The following KCNH5 variants were observed in gnomAD, a reference collection of about 807,000 sequenced individuals.
KCNH5 encodes the protein potassium voltage-gated channel subfamily H member 5, also known as voltage-gated delayed rectifier potassium channel KCNH5.
KCNH5 carries 46 observed loss-of-function variants against 96.1 expected under a neutral mutation model. That is an observed-to-expected ratio of 0.48 (90% CI 0.38 to 0.61). The LOEUF (loss-of-function observed/expected upper bound fraction) is 0.61, where lower values mean the gene tolerates loss of function less well. KCNH5 is among the 20% of genes least tolerant of loss of function. The pLI is 0.00. For missense variants in KCNH5, 907 were observed against 1,225.8 expected (o/e 0.74, Z 3.88); for synonymous variants, 439 against 449.8 (o/e 0.98, Z 0.30).
chr14:62,964,771 C>G (rs1201787689), intron 6 of KCNH5, among the ~76,000 whole-genome samples: 1 of 152,102 alleles, frequency 6.6e-6, no homozygotes, highest in Non-Finnish European at 1.5e-5. Flanking sequence ...GATAGTGCCT[C>G]TATTTCCTAA....
intron 10 of KCNH5, among the ~76,000 whole-genome samples, chr14:62,760,044 G>C (rs1885714116): frequency 1.3e-5 from 2 of 152,104 alleles, no homozygotes; most frequent in African/African-American, 4.8e-5. Context: ...CAAACATGTT[G>C]CTATTTAAAA....
chr14:62,901,377 C>T (rs896374103), intron 7 of KCNH5, among the ~76,000 whole-genome samples: 10 of 151,976 alleles, frequency 6.6e-5, no homozygotes, highest in Non-Finnish European at 1.5e-4. Flanking sequence ...TTGCCCCCTC[C>T]CTCTCTCCCC....
intron 10 of KCNH5, among the ~76,000 whole-genome samples, chr14:62,765,662 C>T (rs963237588): frequency 6.6e-6 from 1 of 152,032 alleles, no homozygotes; most frequent in African/African-American, 2.4e-5. Context: ...GGAACTTACA[C>T]AAATTAACAA....
intron 6 of KCNH5, among the ~76,000 whole-genome samples, chr14:62,957,934 G>A (rs1397784111): frequency 6.6e-6 from 1 of 152,106 alleles, no homozygotes; most frequent in Non-Finnish European, 1.5e-5. Flanking sequence ...AAATTATGGT[G>A]GATATTATCT....
intron 7 of KCNH5, among the ~76,000 whole-genome samples, chr14:62,900,973 T>G (rs1684870470): frequency 6.6e-6 from 1 of 152,002 alleles, no homozygotes; most frequent in Admixed American, 6.6e-5. Flanking sequence ...CATGAAATGC[T>G]TCCTATCTTT....
chr14:62,731,656 A>C (rs1356968292), intron 10 of KCNH5, among the ~76,000 whole-genome samples: 1 of 152,238 alleles, frequency 6.6e-6, no homozygotes, highest in African/African-American at 2.4e-5. Flanking sequence ...GAATTTTGTT[A>C]CCTGAACTTT....
intron 10 of KCNH5, among the ~76,000 whole-genome samples, chr14:62,714,261 C>A (rs908570711): frequency 6.6e-6 from 1 of 152,010 alleles, no homozygotes; most frequent in Non-Finnish European, 1.5e-5. Flanking sequence ...TGCATGTCAG[C>A]CTGGGTCTCA....
At chr14:62,855,413 C>T (rs1329110211) in intron 7 of KCNH5, among the ~76,000 whole-genome samples, 1 of 152,200 alleles carries the variant, frequency 6.6e-6, no homozygotes, top group East Asian at 1.9e-4. Flanking sequence ...GCTGAGTCAA[C>T]TAAGTAGTTT....
At chr14:62,981,714 T>C (rs1455460111) in intron 5 of KCNH5, among the ~76,000 whole-genome samples, 1 of 152,196 alleles carries the variant, frequency 6.6e-6, no homozygotes. Context: ...GGTGATGCTG[T>C]TGTTGAGTGA....
chr14:62,822,033 C>T (rs891679436), intron 8 of KCNH5, among the ~76,000 whole-genome samples: 4 of 151,956 alleles, frequency 2.6e-5, no homozygotes, highest in Non-Finnish European at 5.9e-5. Context: ...TCAATGTGTC[C>T]ACAGAAAATG....
At chr14:62,994,342 A>G (rs1890867596) in intron 4 of KCNH5, among the ~76,000 whole-genome samples, 2 of 152,074 alleles carry the variant, frequency 1.3e-5, no homozygotes, top group East Asian at 1.9e-4. Context: ...TTCACACTGT[A>G]ATTATCTTGG....
intron 9 of KCNH5, among the ~76,000 whole-genome samples, chr14:62,782,606 C>T (rs1316557923): frequency 1.3e-5 from 2 of 152,042 alleles, no homozygotes; most frequent in Admixed American, 6.6e-5. Context: ...GTCAGAAGAT[C>T]GAGACCATCC....
chr14:62,743,825 A>G (rs1885322729), intron 10 of KCNH5, among the ~76,000 whole-genome samples: 2 of 152,176 alleles, frequency 1.3e-5, no homozygotes, highest in African/African-American at 2.4e-5. Context: ...TGGAAGTCCC[A>G]GAAATTTGCT....
chr14:62,776,216 G>A (rs1315982910), intron 10 of KCNH5, among the ~76,000 whole-genome samples: 5 of 151,744 alleles, frequency 3.3e-5, no homozygotes, highest in East Asian at 1.9e-4. Context: ...GCAGTGAGTC[G>A]AGATCGCACC....
At chr14:62,997,207 A>G (rs1228352851) in intron 4 of KCNH5, among the ~76,000 whole-genome samples, 1 of 152,224 alleles carries the variant, frequency 6.6e-6, no homozygotes, top group Admixed American at 6.5e-5. Context: ...TCTTTTAGTT[A>G]TGTAAAAATG....
chr14:62,879,219 T>G (rs1037750961), intron 7 of KCNH5, among the ~76,000 whole-genome samples: 4 of 152,180 alleles, frequency 2.6e-5, no homozygotes, highest in African/African-American at 7.2e-5. Context: ...TAGAATATGT[T>G]GGAGAGAATA....
At chr14:62,991,454 C>G (rs1003300836) in intron 4 of KCNH5, among the ~76,000 whole-genome samples, 5 of 151,800 alleles carry the variant, frequency 3.3e-5, no homozygotes, top group Admixed American at 3.3e-4. Context: ...TCAGACGGAC[C>G]AGAAGAGAGA....
intron 8 of KCNH5, among the ~76,000 whole-genome samples, chr14:62,841,497 A>C (rs1167337911): frequency 1.3e-5 from 2 of 151,832 alleles, no homozygotes; most frequent in South Asian, 4.2e-4. Context: ...TTTTCCCCAA[A>C]GTCTAACGTA....
chr14:62,849,973 T>C, intron 7 of KCNH5, 121 bp from the exon 8 acceptor site: 1 of 751,812 alleles, frequency 1.3e-6, no homozygotes, highest in Admixed American at 2.3e-5. Flanking sequence ...GGTAAATACA[T>C]GTTGAACTCT....
Sources: gnomAD v4.1 joint callset for allele counts (sites outside exome capture counted in the v4.1 genomes callset) on GRCh38, gnomAD v4.1.1 for gene constraint, MANE v1.5 for transcripts, NCBI Gene and HGNC (gene_info 2026-07-23, HGNC 2026-07-21) for gene names.